The following SBNO2 variants were observed in gnomAD, a reference collection of about 807,000 sequenced individuals.
The protein encoded by SBNO2 is strawberry notch homolog 2.
SBNO2 carries 89 observed loss-of-function variants against 146.3 expected under a neutral mutation model. The ratio of observed to expected loss-of-function variants is 0.61; its 90% CI spans 0.51 to 0.73. SBNO2 has a LOEUF of 0.73. SBNO2 is among the 30% of genes least tolerant of loss of function. SBNO2 has a pLI of 0.00. For synonymous variants in SBNO2, 1,147 were observed against 892.6 expected (o/e 1.29, Z -5.08); for missense variants, 2,092 against 2,003.7 (o/e 1.04, Z -0.84).
chr19:1,155,742 G>A (rs1379439422), intron 1 of SBNO2, among the ~76,000 whole-genome samples: 1 of 152,174 alleles, frequency 6.6e-6, no homozygotes, highest in Non-Finnish European at 1.5e-5. Flanking sequence ...CCGGCCCCGT[G>A]TGCTGGTGGC....
intron 1 of SBNO2, among the ~76,000 whole-genome samples, chr19:1,166,615 GCGCACA>G (rs71174350): frequency 0.38 from 37,346 of 98,250 alleles, 5,272 homozygotes; most frequent in East Asian, 0.54. Flanking sequence ...GCAACTGCAC[GCGCACA>G]CACACACACA....
At position 1,160,480 on chromosome 19, in the gene SBNO2, G is replaced by A. The variant is rs191282115; in HGVS notation, c.-126-6078C>T. The stretch of plus-strand genomic sequence containing the variant: ...CGAAGGGCAGTGGGGAGACCCGGGG[G>A]AGGACGCACAGAGGGTGGCTACAGA... On this transcript the variant is annotated intron_variant, in intron 1 of 31. Transcript: ENST00000361757. Among the ~76,000 whole-genome samples the A allele has an allele frequency of 4.0e-3, 606 of 152,330 alleles. 7 individuals carry two copies. The highest frequency in any genetic ancestry group is 0.014 in the African/African-American group (576 of 41,584).
chr19:1,116,955 C>T, intron 15 of SBNO2, 29 bp from the exon 16 acceptor site: 1 of 1,530,710 alleles, frequency 6.5e-7, no homozygotes, highest in Non-Finnish European at 8.8e-7. Flanking sequence ...CTGTGAGCCA[C>T]CAGCCCTGCT....
chr19:1,129,831 G>A (rs781757256), intron 4 of SBNO2, among the ~76,000 whole-genome samples: 1 of 152,200 alleles, frequency 6.6e-6, no homozygotes, highest in Non-Finnish European at 1.5e-5. Flanking sequence ...AAATGCGTGG[G>A]TCACACGGCC....
intron 24 of SBNO2, 112 bp from the exon 25 acceptor site, chr19:1,111,205 C>T: frequency 1.6e-6 from 2 of 1,222,370 alleles, no homozygotes; most frequent in Non-Finnish European, 2.3e-6. Flanking sequence ...GGAGCAGCTG[C>T]AGCCTAGGGC....
rs576826132 is a variant in SBNO2 at position 1,112,791 on chromosome 19, C to T, written c.2379+27G>A. 19 of 1,546,522 alleles carry T rather than the reference C, an allele frequency of 1.2e-5. No homozygotes were observed. The highest frequency in any genetic ancestry group is 1.8e-4 in the Middle Eastern group (1 of 5,556). On this transcript the variant is annotated intron_variant, in intron 20 of 31. Coordinates refer to ENST00000361757, the MANE Select transcript of SBNO2 (RefSeq NM_014963.3). This position sits in a 1 kb window ranked among gnomAD's most constrained non-coding sequence, Gnocchi z 5.9. ...TCTGTGCCTCTTGGGTCCCGTGGGC[C>T]GCGCCCAGTGCACTGCAGCCCCGCA...
chr19:1,108,015 C>T lies in SBNO2; in HGVS notation c.*205G>A. The T allele has an allele frequency of 2.4e-6, 1 of 409,836 alleles. No homozygotes were observed. The highest frequency in any genetic ancestry group is 4.2e-6 in the Non-Finnish European group (1 of 238,756). 25.4% of individuals were successfully genotyped at this position (409,836 alleles called of 1,614,324 possible). On this transcript the variant is annotated 3_prime_UTR_variant, in exon 32 of 32. Transcript: ENST00000361757. ...TGGGAGGAGAGGCACAGAGAGGGCC[C>T]TGCCACGCCCCGGCCCCCAGCTGTC...
intron 17 of SBNO2, among the ~76,000 whole-genome samples, chr19:1,114,873 T>G (rs9710204): frequency 0.18 from 27,897 of 151,648 alleles, 2,834 homozygotes; most frequent in Non-Finnish European, 0.22. Flanking sequence ...GACCTCGTGA[T>G]CCACCTGCCT....
At position 1,111,579 on chromosome 19, in the gene SBNO2, G is replaced by A; in HGVS notation, c.2736C>T (p.Thr912=). The A allele has an allele frequency of 6.3e-7, 1 of 1,596,346 alleles. No homozygotes were observed. The highest frequency in any genetic ancestry group is 8.5e-7 in the Non-Finnish European group (1 of 1,171,832). Residue 912 remains threonine (T), a synonymous_variant, in exon 24 of 32, where the codon ACC becomes ACT. Transcript: ENST00000361757. ...CTTTGTTCTCAGTCTGGCTCAGGAT[G>A]GTGGTGAGGACACAGTGCAGGGCCC... ...GTRALHCVLT[T]ILSQTENKVP...
At chr19:1,118,222 C>T (rs537536319) in intron 14 of SBNO2, among the ~76,000 whole-genome samples, 2 of 152,330 alleles carry the variant, frequency 1.3e-5, no homozygotes, top group East Asian at 3.9e-4. Context: ...CCTGTAACCC[C>T]AGCTACGCGG....
At chr19:1,161,906 C>CGGGGGGGGGGGG (rs916715232) in intron 1 of SBNO2, among the ~76,000 whole-genome samples, 1 of 1,344 alleles carries the variant, frequency 7.4e-4, no homozygotes. Context: ...TGGGGAGCCG[C>CGGGGGGGGGGGG]GGGGGGGGGG....
chr19:1,127,881 G>T, intron 4 of SBNO2, 116 bp from the exon 5 acceptor site: 1 of 936,576 alleles, frequency 1.1e-6, no homozygotes, highest in Non-Finnish European at 1.6e-6. Flanking sequence ...GGAGCATGTG[G>T]GAATGGGAGA....
intron 4 of SBNO2, among the ~76,000 whole-genome samples, chr19:1,134,265 C>T (rs533481280): frequency 5.0e-4 from 71 of 140,956 alleles, no homozygotes; most frequent in African/African-American, 1.7e-3. Flanking sequence ...CTCATAGGCA[C>T]CTGGACCCAC....
At chr19:1,152,598 G>A (rs1282719539) in intron 2 of SBNO2, among the ~76,000 whole-genome samples, 1 of 151,082 alleles carries the variant, frequency 6.6e-6, no homozygotes, top group Non-Finnish European at 1.5e-5. Context: ...CTAGGGAGGG[G>A]GACAGGAGGG....
Position 1,123,565 on chromosome 19 carries a change from T to C in SBNO2, c.597A>G (p.Thr199=), listed in dbSNP as rs185688259. ...EEEEAEELGH[T]ETYADYVPSK... ...ACGGCACGTAGTCGGCGTAGGTCTC[T>C]GTGTGCCCCAGCTCCTCCGCCTCCT... The change falls in exon 7 of 32, where the codon ACA becomes ACG. Residue 199 remains threonine, a synonymous_variant. Coordinates refer to ENST00000361757, the MANE Select transcript of SBNO2 (RefSeq NM_014963.3). 6.8e-5 allele frequency: 110 copies of C among 1,613,554 alleles called. No homozygotes were observed. In the East Asian group the frequency reaches 2.3e-3, roughly 34 times the overall value.
At position 1,112,841 on chromosome 19, in the gene SBNO2, G is replaced by A; in HGVS notation, c.2356C>T (p.Gln786Ter). ...SIDHVNLREK[Q>*]RFMSGEKLVA... ...ACCTTCTCGCCGCTCATGAAGCGCT[G>A]CTTCTCCCTGAGGTTCACGTGGTCG... Residue 786 changes from glutamine (Q) to a stop codon, truncating the protein, a stop_gained, in exon 20 of 32, where the codon CAG becomes TAG. Transcript: ENST00000361757. LOFTEE classifies it high-confidence loss of function. This position sits in a 1 kb window ranked among gnomAD's most constrained non-coding sequence, Gnocchi z 5.9. 1 of 1,575,512 alleles carries A rather than the reference G, an allele frequency of 6.3e-7. No homozygotes were observed. The highest frequency in any genetic ancestry group is 8.6e-7 in the Non-Finnish European group (1 of 1,162,244).
chr19:1,158,778 G>A lies in SBNO2; in HGVS notation c.-126-4376C>T, dbSNP rs1392670741. ...AGGACCTGAAGATGGCAAGGAGCAG[G>A]CCCCCGGGTGTCCCGGGAACCCCGC... On this transcript the variant is annotated intron_variant, in intron 1 of 31. Coordinates refer to ENST00000361757, the MANE Select transcript of SBNO2 (RefSeq NM_014963.3). The surrounding 1 kb of genome is among the most constrained non-coding windows in gnomAD (Gnocchi z 9.9). Among the ~76,000 whole-genome samples the A allele has an allele frequency of 6.6e-6, 1 of 152,136 alleles. No individual in the cohort carries two copies. Among genetic ancestry groups the A allele is most frequent in the African/African-American group, 2.4e-5 (1 of 41,418 alleles).
Position 1,124,029 on chromosome 19 carries a change from G to A in SBNO2, c.442-7C>T, listed in dbSNP as rs775640321. 1.1e-5 allele frequency: 18 copies of A among 1,609,872 alleles called. No individual in the cohort carries two copies. The highest frequency in any genetic ancestry group is 1.4e-5 in the Non-Finnish European group (17 of 1,178,622). ...GCCTGCTGAGCTGGAACAGCTGGAAGGGGAGCAGGATGTCAGCCCGGGCCA... is the reference window on the plus strand; with the variant it reads ...GCCTGCTGAGCTGGAACAGCTGGAAAGGGAGCAGGATGTCAGCCCGGGCCA... On this transcript the variant is annotated splice_polypyrimidine_tract_variant and splice_region_variant and intron_variant, in intron 5 of 31. Transcript: ENST00000361757.
chr19:1,110,777 TTG>T lies in SBNO2; in HGVS notation c.2994_2995del (p.Asp998GlufsTer67). On this transcript the variant is annotated frameshift_variant, in exon 26 of 32. Transcript: ENST00000361757. LOFTEE classifies it high-confidence loss of function. The surrounding 1 kb of genome is among the most constrained non-coding windows in gnomAD (Gnocchi z 4.9). The stretch of plus-strand genomic sequence containing the variant: ...GCCCATGTCGTATTTGCCCTCCCGC[TTG>T]TCCATCTCGATGAGGTGGTCGAAGG... 6.2e-7 allele frequency: 1 copy of T among 1,613,608 alleles called. No individual in the cohort carries two copies. The highest frequency in any genetic ancestry group is 8.5e-7 in the Non-Finnish European group (1 of 1,179,744).
Sources: allele counts gnomAD v4.1 joint callset (sites outside exome capture counted in the v4.1 genomes callset), GRCh38; gene constraint gnomAD v4.1.1; non-coding constraint Gnocchi (gnomAD v3.1); transcripts MANE v1.5; gene names NCBI Gene and HGNC (gene_info 2026-07-23, HGNC 2026-07-21).